LTBP4: variants seen among roughly 807,000 people sequenced by gnomAD.
LTBP4 encodes the protein latent-transforming growth factor beta-binding protein 4.
In LTBP4, 93 loss-of-function variants were observed where a neutral mutation model predicts 180.2. That is an observed-to-expected ratio of 0.52 (90% CI 0.44 to 0.61). LTBP4 has a LOEUF of 0.61. Among genes scored for constraint, LTBP4 ranks in the 20% least tolerant of loss-of-function variants. LTBP4 has a pLI of 0.00. For synonymous variants in LTBP4, 947 were observed against 934.5 expected (o/e 1.01, Z -0.24); for missense variants, 2,116 against 2,256.5 (o/e 0.94, Z 1.26).
chr19:40,622,478 C>T lies in LTBP4; in HGVS notation c.3295C>T (p.Arg1099Cys), dbSNP rs371892335. 4.4e-6 allele frequency: 7 copies of T among 1,608,998 alleles called. No homozygotes were observed. Among genetic ancestry groups the T allele is most frequent in the Admixed American group, 1.7e-5 (1 of 59,682 alleles). ...PARPPPPPLP[R>C]RPSTPRQGPV... Reference sequence around the variant, plus strand: ...CAGGCCACCTCCGCCACCCCTGCCCCGCCGACCCAGCACACCTAGGCAGGG... The same window carrying T: ...CAGGCCACCTCCGCCACCCCTGCCCTGCCGACCCAGCACACCTAGGCAGGG... Residue 1099 changes from arginine to cysteine, a missense_variant, in exon 23 of 30, where the codon CGC (arginine) becomes TGC (cysteine). By Grantham distance (180) the Arg-to-Cys change is radical. This residue lies in a region of LTBP4 where 278 missense variants were observed against 373.0 expected (regional missense o/e 0.75). Coordinates refer to ENST00000396819, the MANE Select transcript of LTBP4 (RefSeq NM_001042545.2). The surrounding 1 kb of genome is among the most constrained non-coding windows in gnomAD (Gnocchi z 5.1).
intron 19 of LTBP4, 63 bp from the exon 20 acceptor site, chr19:40,616,826 G>A (rs1017958128): frequency 3.8e-5 from 60 of 1,584,056 alleles, no homozygotes; most frequent in Non-Finnish European, 5.0e-5. Context: ...GGCACCGGAA[G>A]TGGTGTTAGA....
chr19:40,614,462 C>G lies in LTBP4; in HGVS notation c.2812+16C>G. The G allele has an allele frequency of 6.3e-7, 1 of 1,595,312 alleles. No individual in the cohort carries two copies. The highest frequency in any genetic ancestry group is 8.5e-7 in the Non-Finnish European group (1 of 1,178,270). ...ACCTGTGACGGTGAGCCTGCCCCCA[C>G]CCGCCTTCGCTAGCGCTTGCAACGC... is the stretch of plus-strand genomic sequence containing the variant. On this transcript the variant is annotated intron_variant, in intron 19 of 29. Transcript: ENST00000396819.
At position 40,609,251 on chromosome 19, in the gene LTBP4, C is replaced by A. The variant is rs1334808166; in HGVS notation, c.1427-279C>A. Reference sequence around the variant, plus strand: ...ATTATCTAATATTAGATAATTATTTCTCAGGTAGGGCACTAAGAATGTATC... The same window carrying A: ...ATTATCTAATATTAGATAATTATTTATCAGGTAGGGCACTAAGAATGTATC... On this transcript the variant is annotated intron_variant, in intron 9 of 29. Coordinates refer to ENST00000396819, the MANE Select transcript of LTBP4 (RefSeq NM_001042545.2). The surrounding 1 kb of genome is among the most constrained non-coding windows in gnomAD (Gnocchi z 4.9). 2.6e-5 allele frequency among the ~76,000 whole-genome samples: 4 copies of A among 151,980 alleles called. No individual in the cohort carries two copies. The highest frequency in any genetic ancestry group is 6.6e-5 in the Admixed American group (1 of 15,254).
upstream of LTBP4, among the ~76,000 whole-genome samples, chr19:40,597,871 G>A (rs1160785059): frequency 6.7e-6 from 1 of 148,502 alleles, no homozygotes; most frequent in African/African-American, 2.5e-5. Context: ...AATTGGTCAG[G>A]AAGACATAGA....
rs2081446103 is a variant in LTBP4, at chr19:40,604,665, G to A, written c.251-370G>A. The stretch of plus-strand genomic sequence containing the variant: ...TCAAGACCAGCCTGGCCAACATAGT[G>A]AGACCCCGCCTCTACCAAATTTTTA... On this transcript the variant is annotated intron_variant, in intron 1 of 29. Transcript: ENST00000396819. Among the ~76,000 whole-genome samples, 4 of 152,182 alleles carry A rather than the reference G, an allele frequency of 2.6e-5. No homozygotes were observed. The South Asian group carries it at 8.3e-4, about 32-fold the overall frequency.
chr19:40,627,427 C>T lies in LTBP4; in HGVS notation c.4366+72C>T, dbSNP rs563972258. 22 of 1,437,492 alleles carry T rather than the reference C, an allele frequency of 1.5e-5. No homozygotes were observed. The African/African-American group carries it at 3.1e-4, about 21-fold the overall frequency. 89.0% of individuals were successfully genotyped at this position (1,437,492 alleles called of 1,614,324 possible). A position where few individuals can be genotyped will look rare whatever the true frequency, so the allele number is the denominator to read the frequency against. On this transcript the variant is annotated intron_variant, in intron 28 of 29. Coordinates refer to ENST00000396819, the MANE Select transcript of LTBP4 (RefSeq NM_001042545.2). ...TGCACGGAGAGAGGAGGGAGGGAAACAGAAGGCGGGAGGAGAGACGGAACA... is the reference window on the plus strand; with the variant it reads ...TGCACGGAGAGAGGAGGGAGGGAAATAGAAGGCGGGAGGAGAGACGGAACA...
At position 40,617,511 on chromosome 19, in the gene LTBP4, G is replaced by A. The variant is rs370632727; in HGVS notation, c.3070+286G>A. ...ATACAAAAATTAGCCGGATCTGGTGGCAAATGCCTGTAATCCCAGCTACTC... is the reference window on the plus strand; with the variant it reads ...ATACAAAAATTAGCCGGATCTGGTGACAAATGCCTGTAATCCCAGCTACTC... On this transcript the variant is annotated intron_variant, in intron 21 of 29. Coordinates refer to ENST00000396819, the MANE Select transcript of LTBP4 (RefSeq NM_001042545.2). Among the ~76,000 whole-genome samples, 88 of 152,144 alleles carry A rather than the reference G, an allele frequency of 5.8e-4. No homozygotes were observed. The South Asian group carries it at 0.013, about 23-fold the overall frequency.
chr19:40,613,999 C>T lies in LTBP4; in HGVS notation c.2641C>T (p.Pro881Ser). 6.2e-7 allele frequency: 1 copy of T among 1,613,558 alleles called. No homozygotes were observed. The highest frequency in any genetic ancestry group is 1.1e-5 in the South Asian group (1 of 91,062). ...TDGSFECICP[P>S]GHRAGPDLAS... is the part of the protein sequence containing the mutation. Reference sequence around the variant, plus strand: ...CGGCTCCTTCGAGTGCATCTGTCCTCCGGGACACCGCGCTGGCCCGGACCT... The same window carrying T: ...CGGCTCCTTCGAGTGCATCTGTCCTTCGGGACACCGCGCTGGCCCGGACCT... The change falls in exon 18 of 30, where the codon CCG becomes TCG. Residue 881 changes from proline (P) to serine (S), a missense_variant. By Grantham distance (74) the Pro-to-Ser change is moderately conservative (BLOSUM62 -1). Transcript: ENST00000396819. This position sits in a 1 kb window ranked among gnomAD's most constrained non-coding sequence, Gnocchi z 5.0.
chr19:40,615,690 G>A (rs1266129166), intron 19 of LTBP4, among the ~76,000 whole-genome samples: 1 of 151,976 alleles, frequency 6.6e-6, no homozygotes, highest in African/African-American at 2.4e-5. Context: ...CCCGGGAGGC[G>A]GAGGTGGCAG....
chr19:40,606,046 G>T (rs1208837377), intron 4 of LTBP4, among the ~76,000 whole-genome samples, 187 bp from the exon 5 acceptor site: 1 of 152,152 alleles, frequency 6.6e-6, no homozygotes, highest in Non-Finnish European at 1.5e-5. Context: ...CTGCCTTTGT[G>T]CCTTGGCCCC....
At chr19:40,601,932 G>A (rs1278547082) in intron 1 of LTBP4, among the ~76,000 whole-genome samples, 1 of 151,908 alleles carries the variant, frequency 6.6e-6, no homozygotes, top group Non-Finnish European at 1.5e-5. Context: ...GAATTGAGGG[G>A]CCTGAGAACT....
chr19:40,615,416 C>G (rs2081542140), intron 19 of LTBP4: 1 of 152,222 alleles, frequency 6.6e-6, no homozygotes, highest in African/African-American at 2.4e-5. Flanking sequence ...ATAAAAACCC[C>G]TGCCTTCCTG....
intron 21 of LTBP4, among the ~76,000 whole-genome samples, chr19:40,618,635 C>T (rs1441645474): frequency 1.3e-5 from 2 of 152,164 alleles, no homozygotes; most frequent in South Asian, 4.1e-4. Context: ...CCCTCCTTGG[C>T]CTCCCAAAGC....
At chr19:40,597,304 G>A (rs972166294), upstream of LTBP4, 117 of 1,524,608 alleles carry the variant, frequency 7.7e-5, no homozygotes, top group African/African-American at 1.3e-3. Flanking sequence ...CTTCGCAGCC[G>A]CCACCTCCGC....
chr19:40,624,228 GTC>G (rs2146046635), intron 26 of LTBP4, 146 bp downstream of exon 26: 1 of 1,067,066 alleles, frequency 9.4e-7, no homozygotes, highest in Non-Finnish European at 1.3e-6. Flanking sequence ...CCCTCACTCA[GTC>G]TCTGTCCCAC....
rs1440416187 is a variant in LTBP4 at position 40,611,540 on chromosome 19, C to T, written c.2053+146C>T. ...TGGGGACCTCACTCCAGAGTCTTCT[C>T]TCCTTTCAACAAAATAAGGCAGTCC... is the stretch of plus-strand genomic sequence containing the variant. On this transcript the variant is annotated intron_variant, in intron 13 of 29. Coordinates refer to ENST00000396819, the MANE Select transcript of LTBP4 (RefSeq NM_001042545.2). The surrounding 1 kb of genome is among the most constrained non-coding windows in gnomAD (Gnocchi z 4.4). The T allele has an allele frequency of 5.7e-6, 7 of 1,238,262 alleles. No individual in the cohort carries two copies. The highest frequency in any genetic ancestry group is 7.7e-6 in the Non-Finnish European group (7 of 909,540). The allele number at this position is 1,238,262 out of a possible 1,614,324, so 76.7% of individuals were successfully genotyped here.
At chr19:40,604,968 G>A in intron 1 of LTBP4, 67 bp from the exon 2 acceptor site, 1 of 1,418,020 alleles carries the variant, frequency 7.1e-7, no homozygotes, top group South Asian at 1.2e-5. Flanking sequence ...TACCTTGAGG[G>A]AGTAGGGACC....
Position 40,623,957 on chromosome 19 carries a change from A to T in LTBP4, c.3707A>T (p.Glu1236Val), listed in dbSNP as rs2081605707. 6.2e-7 allele frequency: 1 copy of T among 1,613,834 alleles called. No homozygotes were observed. The highest frequency in any genetic ancestry group is 1.7e-5 in the Admixed American group (1 of 60,004). The change falls in exon 26 of 30, where the codon GAG becomes GTG. Residue 1236 changes from glutamate to valine, a missense_variant. By Grantham distance (121) the Glu-to-Val change is moderately radical (BLOSUM62 -2). This residue lies in a region of LTBP4 where 278 missense variants were observed against 373.0 expected (regional missense o/e 0.75). Coordinates refer to ENST00000396819, the MANE Select transcript of LTBP4 (RefSeq NM_001042545.2). Reference sequence around the variant, plus strand: ...CTAGACAATGACGAGTGCGCCGATGAGGAACCGGCCTGTGAGGGCGGCCGC... The same window carrying T: ...CTAGACAATGACGAGTGCGCCGATGTGGAACCGGCCTGTGAGGGCGGCCGC... ...ECIDNDECAD[E>V]EPACEGGRCV...
chr19:40,613,432 CT>C lies in LTBP4; in HGVS notation c.2461del (p.Cys821AlafsTer205). 1 of 1,605,808 alleles carries C rather than the reference CT, an allele frequency of 6.2e-7. No homozygotes were observed. Among genetic ancestry groups the C allele is most frequent in the Non-Finnish European group, 8.5e-7 (1 of 1,176,590 alleles). ...TGAACGAGTGCCTGGAGGGCGATTT[CT>C]GCTTCCCTCACGGCGAGTGCCTCAA... is the stretch of plus-strand genomic sequence containing the variant. The part of the protein sequence containing the change: ...DVNECLEGDF[C>X]FPHGECLNTD... On this transcript the variant is annotated frameshift_variant, in exon 17 of 30. Transcript: ENST00000396819. LOFTEE classifies it high-confidence loss of function. The surrounding 1 kb of genome is among the most constrained non-coding windows in gnomAD (Gnocchi z 5.0).
Sources: allele counts gnomAD v4.1 joint callset (sites outside exome capture counted in the v4.1 genomes callset), GRCh38; gene constraint gnomAD v4.1.1; regional missense constraint gnomAD v4.1.1; non-coding constraint Gnocchi (gnomAD v3.1); transcripts MANE v1.5; gene names NCBI Gene and HGNC (gene_info 2026-07-23, HGNC 2026-07-21).